The following C6orf52 variants were observed in gnomAD, a reference collection of about 807,000 sequenced individuals.
C6orf52 encodes putative uncharacterized protein C6orf52.
C6orf52 carries 16 observed loss-of-function variants against 16.6 expected under a neutral mutation model. That is an observed-to-expected ratio of 0.96 (90% CI 0.65 to 1.46). C6orf52 has a LOEUF of 1.46. Ranked by LOEUF, C6orf52 falls within the 40% of genes most tolerant of loss-of-function variation. The pLI is 0.00. For synonymous variants in C6orf52, 53 were observed against 61.4 expected, an observed-to-expected ratio of 0.86 and a Z score of 0.64; for missense variants, 166 against 182.3, an observed-to-expected ratio of 0.91 and a Z score of 0.52.
intron 1 of C6orf52, among the ~76,000 whole-genome samples, chr6:10,690,535 G>A (rs1769201490): frequency 6.6e-6 from 1 of 151,960 alleles, no homozygotes; most frequent in Non-Finnish European, 1.5e-5. Context: ...TTTCTAACAG[G>A]GCTGATTTTT....
At chr6:10,677,385 T>G (rs950334938) in intron 4 of C6orf52, among the ~76,000 whole-genome samples, 1 of 152,134 alleles carries the variant, frequency 6.6e-6, no homozygotes, top group Admixed American at 6.5e-5. Flanking sequence ...TGTCTGTTAT[T>G]ATGCCAGTAT....
upstream of C6orf52, chr6:10,694,808 C>T (rs140748762): frequency 1.9e-3 from 1,078 of 558,004 alleles, 13 homozygotes; most frequent in African/African-American, 0.016. Flanking sequence ...CATGTGACCT[C>T]CCCGCGCTTA....
At chr6:10,684,516 CCACCTGTGCTGTGTATG>C (rs1768686684) in intron 3 of C6orf52, among the ~76,000 whole-genome samples, 1 of 152,160 alleles carries the variant, frequency 6.6e-6, no homozygotes. Flanking sequence ...GGTCTGAGGG[CCACCTGTGCTGTGTATG>C]CAGCTGGCTG....
Position 10,687,129 on chromosome 6 carries a change from T to G in C6orf52, c.107A>C (p.Gln36Pro). The G allele has an allele frequency of 6.4e-7, 1 of 1,551,628 alleles. No homozygotes were observed. Reference sequence around the variant, plus strand: ...GCCATAGCGGTAACTCTGGCTGGGCTGGAACTCCTGCTTCACTCTAATAGC... The same window carrying G: ...GCCATAGCGGTAACTCTGGCTGGGCGGGAACTCCTGCTTCACTCTAATAGC... ...PSAIRVKQEF[Q>P]PSQSYRYGNW... is the part of the protein sequence containing the mutation. The change falls in exon 3 of 5, where the codon CAG (glutamine) becomes CCG (proline). Residue 36 changes from glutamine to proline, a missense_variant. By Grantham distance (76) the Gln-to-Pro change is moderately conservative (BLOSUM62 -1). Coordinates refer to ENST00000259983, the MANE Select transcript of C6orf52 (RefSeq NM_001145020.3).
chr6:10,684,345 C>T (rs1305155481), intron 3 of C6orf52, among the ~76,000 whole-genome samples: 1 of 152,166 alleles, frequency 6.6e-6, no homozygotes, highest in Non-Finnish European at 1.5e-5. Context: ...AAAGAAATGG[C>T]AAAGACACCC....
Position 10,671,555 on chromosome 6 carries a change from A to G in C6orf52, c.360T>C (p.Phe120=). 6.5e-7 allele frequency: 1 copy of G among 1,548,324 alleles called. No homozygotes were observed. The highest frequency in any genetic ancestry group is 8.7e-7 in the Non-Finnish European group (1 of 1,144,526). Residue 120 remains phenylalanine, a synonymous_variant, in exon 5 of 5, where the codon TTT becomes TTC. Transcript: ENST00000259983. ...HLNIEESNQE[F]MVKSEELYDS... is the part of the protein sequence containing the mutation. ...CGTAGAGTTCTTCACTTTTCACCATAAACTCTTGGTTTGATTCCTCAATAT... is the reference window on the plus strand; with the variant it reads ...CGTAGAGTTCTTCACTTTTCACCATGAACTCTTGGTTTGATTCCTCAATAT...
At chr6:10,694,874 T>G, upstream of C6orf52, 1 of 737,474 alleles carries the variant, frequency 1.4e-6, no homozygotes, top group Non-Finnish European at 2.3e-6. Flanking sequence ...GACGTATAAT[T>G]CGAGCGCCGA....
intron 4 of C6orf52, among the ~76,000 whole-genome samples, chr6:10,678,323 T>A (rs907643344): frequency 6.6e-6 from 1 of 151,944 alleles, no homozygotes; most frequent in Non-Finnish European, 1.5e-5. Context: ...GTTTCTTCCA[T>A]CAACACTTTA....
At chr6:10,690,113 G>A (rs1211270959) in intron 1 of C6orf52, among the ~76,000 whole-genome samples, 2 of 152,178 alleles carry the variant, frequency 1.3e-5, no homozygotes, top group Admixed American at 6.5e-5. Context: ...CTGAGGAAGA[G>A]AGAGGTCAAT....
intron 4 of C6orf52, among the ~76,000 whole-genome samples, chr6:10,681,952 A>AGT (rs1768437271): frequency 6.6e-6 from 1 of 152,164 alleles, no homozygotes; most frequent in Non-Finnish European, 1.5e-5. Context: ...ATCAATGTGG[A>AGT]GTGGCTCAGA....
At chr6:10,692,926 G>A (rs1308289763) in intron 1 of C6orf52, among the ~76,000 whole-genome samples, 1 of 152,192 alleles carries the variant, frequency 6.6e-6, no homozygotes, top group African/African-American at 2.4e-5. Flanking sequence ...TACATTTGGC[G>A]TGGACAAAGC....
chr6:10,679,308 C>T (rs1015454753), intron 4 of C6orf52, among the ~76,000 whole-genome samples: 8 of 151,238 alleles, frequency 5.3e-5, no homozygotes, highest in Non-Finnish European at 8.8e-5. Flanking sequence ...GGCGTAGTGG[C>T]AGGTGCCTCT....
chr6:10,678,164 C>CA (rs1768055014), intron 4 of C6orf52, among the ~76,000 whole-genome samples: 1 of 127,928 alleles, frequency 7.8e-6, no homozygotes, highest in African/African-American at 3.1e-5. Context: ...CCAGCCTGGG[C>CA]AACAGAGTGA....
chr6:10,685,379 G>A (rs1330169176), intron 3 of C6orf52, among the ~76,000 whole-genome samples: 1 of 151,386 alleles, frequency 6.6e-6, no homozygotes, highest in East Asian at 1.9e-4. Context: ...AAAATGACAA[G>A]AAATCTAACA....
chr6:10,672,090 C>T (rs1179045278), intron 4 of C6orf52, among the ~76,000 whole-genome samples: 1 of 152,224 alleles, frequency 6.6e-6, no homozygotes, highest in Non-Finnish European at 1.5e-5. Flanking sequence ...CTTGGCCTTC[C>T]ATCTCCGAAC....
At chr6:10,679,578 AAAC>A (rs1157745447) in intron 4 of C6orf52, among the ~76,000 whole-genome samples, 1 of 128,992 alleles carries the variant, frequency 7.8e-6, no homozygotes, top group Admixed American at 7.0e-5. Flanking sequence ...TAAAAAAAAA[AAAC>A]AAAAAACAAA....
intron 4 of C6orf52, among the ~76,000 whole-genome samples, chr6:10,681,383 C>T (rs945860175): frequency 1.3e-5 from 2 of 152,050 alleles, no homozygotes; most frequent in African/African-American, 4.8e-5. Context: ...GAAACCAACC[C>T]TTCATTTTGT....
chr6:10,684,421 T>G (rs1276560838), intron 3 of C6orf52, among the ~76,000 whole-genome samples: 3 of 152,350 alleles, frequency 2.0e-5, no homozygotes, highest in East Asian at 3.9e-4. Flanking sequence ...CATTTCCTCC[T>G]TTCAGTGTGT....
At position 10,687,490 on chromosome 6, in the gene C6orf52, A is replaced by G. The variant is rs1404388945; in HGVS notation, c.61T>C (p.Tyr21His). Reference protein sequence around the residue: ...GIAQQNNYYCYWQSLPSAIRV... With the variant: ...GIAQQNNYYCHWQSLPSAIRV... ...GAGAAAACCACTCACCTTTGCCAGTAGCAGTAATAGTTATTTTGTTGAGCT... is the reference window on the plus strand; with the variant it reads ...GAGAAAACCACTCACCTTTGCCAGTGGCAGTAATAGTTATTTTGTTGAGCT... Residue 21 changes from tyrosine (Y) to histidine (H), a missense_variant, in exon 2 of 5, where the codon TAC becomes CAC. Transcript: ENST00000259983. 4 of 1,548,124 alleles carry G rather than the reference A, an allele frequency of 2.6e-6. No individual in the cohort carries two copies. In the South Asian group the frequency reaches 4.8e-5, roughly 18 times the overall value.
Sources: allele counts gnomAD v4.1 joint callset (sites outside exome capture counted in the v4.1 genomes callset), GRCh38; gene constraint gnomAD v4.1.1; transcripts MANE v1.5; gene names NCBI Gene and HGNC (gene_info 2026-07-23, HGNC 2026-07-21).